The following TBC1D22A variants were observed in gnomAD, a reference collection of about 807,000 sequenced individuals.
The protein encoded by TBC1D22A is TBC1 domain family member 22A, also known as putative GTPase activator.
A neutral mutation model predicts 60.2 loss-of-function variants in TBC1D22A; 38 were observed. That is an observed-to-expected ratio of 0.63 (90% CI 0.49 to 0.83). TBC1D22A has a LOEUF of 0.83. TBC1D22A is among the 40% of genes least tolerant of loss of function. The probability of loss-of-function intolerance (pLI) is 0.00; values close to 1 mark genes in which losing one functional copy is unlikely to be tolerated. For missense variants in TBC1D22A, 628 were observed against 701.0 expected (o/e 0.90, Z 1.18); for synonymous variants, 302 against 281.7 (o/e 1.07, Z -0.72).
chr22:46,778,620 C>A (rs1358088505), intron 1 of TBC1D22A, among the ~76,000 whole-genome samples: 1 of 152,186 alleles, frequency 6.6e-6, no homozygotes, highest in Non-Finnish European at 1.5e-5. Flanking sequence ...CATCATCTTC[C>A]ATGATAACAT....
chr22:46,896,096 T>C (rs2156925), intron 7 of TBC1D22A, among the ~76,000 whole-genome samples: 105,071 of 151,650 alleles, frequency 0.69, 36,819 homozygotes, highest in Middle Eastern at 0.86. Flanking sequence ...TCCTCACGTT[T>C]GTTTCTCTGG....
chr22:47,114,506 A>G (rs1232820122), intron 12 of TBC1D22A, among the ~76,000 whole-genome samples: 1 of 152,058 alleles, frequency 6.6e-6, no homozygotes. Flanking sequence ...ACTGAACCCA[A>G]TGGGAAAGGA....
chr22:47,137,552 C>T (rs1246777728), intron 12 of TBC1D22A, among the ~76,000 whole-genome samples: 1 of 152,196 alleles, frequency 6.6e-6, no homozygotes, highest in Non-Finnish European at 1.5e-5. Context: ...TACCTCTGCC[C>T]AAAGCCCCAC....
chr22:46,817,123 A>G (rs139582), intron 4 of TBC1D22A, among the ~76,000 whole-genome samples: 11,224 of 151,626 alleles, frequency 0.074, 585 homozygotes, highest in Non-Finnish European at 0.11. Flanking sequence ...GTGGCTTAAA[A>G]TTTTTTTTTC....
At chr22:47,003,984 A>G (rs532894838) in intron 10 of TBC1D22A, among the ~76,000 whole-genome samples, 36 of 141,640 alleles carry the variant, frequency 2.5e-4, no homozygotes, top group African/African-American at 5.8e-4. Context: ...CCCTACGCAC[A>G]CATGCCTGTA....
intron 4 of TBC1D22A, among the ~76,000 whole-genome samples, chr22:46,798,413 C>A (rs1372253805): frequency 2.0e-5 from 3 of 152,190 alleles, no homozygotes; most frequent in African/African-American, 7.2e-5. Flanking sequence ...AGGGGTGAGG[C>A]TGGGGCAGAG....
intron 12 of TBC1D22A, among the ~76,000 whole-genome samples, chr22:47,124,130 CTT>C (rs901809951): frequency 6.6e-6 from 1 of 152,110 alleles, no homozygotes; most frequent in Non-Finnish European, 1.5e-5. Flanking sequence ...GAAGGGGACT[CTT>C]GGGTCAGCGG....
rs553447647 is a variant in TBC1D22A, at chr22:46,974,357, C to G, written c.1083C>G (p.Ala361=). 100 of 1,611,364 alleles carry G rather than the reference C, an allele frequency of 6.2e-5. 2 individuals are homozygous for G. In the South Asian group the frequency reaches 1.1e-3, roughly 17 times the overall value. The change falls in exon 9 of 13, where the codon GCC becomes GCG. Residue 361 remains alanine, a synonymous_variant. Transcript: ENST00000337137. The part of the protein sequence containing the change: ...VPAEVLCNIE[A]DTYWCMSKLL... The stretch of plus-strand genomic sequence containing the variant: ...CAGAGGTGCTGTGCAACATCGAGGC[C>G]GACACCTACTGGTGCATGAGCAAGC...
intron 11 of TBC1D22A, among the ~76,000 whole-genome samples, chr22:47,058,012 G>A (rs1346614557): frequency 3.9e-5 from 6 of 152,192 alleles, no homozygotes; most frequent in Non-Finnish European, 7.4e-5. Context: ...TGGCACCAGC[G>A]CAGGGCCTCG....
At chr22:47,059,881 A>C (rs1293943925) in intron 11 of TBC1D22A, among the ~76,000 whole-genome samples, 8 of 152,302 alleles carry the variant, frequency 5.3e-5, no homozygotes, top group Middle Eastern at 3.4e-3. Flanking sequence ...CAGTTATGCA[A>C]ACGAGTGCTG....
At chr22:46,913,208 A>G in intron 8 of TBC1D22A, 1 of 565,894 alleles carries the variant, frequency 1.8e-6, no homozygotes, top group South Asian at 1.9e-5. Context: ...GTCTATGGAT[A>G]AAACATAAAT....
chr22:46,881,745 C>G (rs1281458840), intron 5 of TBC1D22A, among the ~76,000 whole-genome samples: 1 of 152,166 alleles, frequency 6.6e-6, no homozygotes, highest in Non-Finnish European at 1.5e-5. Flanking sequence ...TAAGAGGACT[C>G]TGGCAGCTAG....
At chr22:46,802,719 G>C (rs925333062) in intron 4 of TBC1D22A, among the ~76,000 whole-genome samples, 4 of 152,192 alleles carry the variant, frequency 2.6e-5, no homozygotes, top group African/African-American at 7.2e-5. Flanking sequence ...GCCGATGACT[G>C]CTTCTGAGCA....
intron 5 of TBC1D22A, among the ~76,000 whole-genome samples, chr22:46,882,509 G>A (rs1043093532): frequency 2.6e-5 from 4 of 152,092 alleles, no homozygotes; most frequent in African/African-American, 4.8e-5. Context: ...AAAGTTATGC[G>A]CTATGCCCGC....
Position 47,173,536 on chromosome 22 carries a change from C to A in TBC1D22A, c.1464C>A (p.His488Gln). 1 of 1,614,196 alleles carries A rather than the reference C, an allele frequency of 6.2e-7. No homozygotes were observed. Among genetic ancestry groups the A allele is most frequent in the Non-Finnish European group, 8.5e-7 (1 of 1,180,032 alleles). Residue 488 changes from histidine (H) to glutamine (Q), a missense_variant, in exon 13 of 13, where the codon CAC becomes CAA. Transcript: ENST00000337137. The part of the protein sequence containing the change: ...LLFLQNLPTA[H>Q]WDDEDISLLL... ...TCCTCCAGAACCTGCCCACAGCCCACTGGGATGATGAGGACATCAGCCTGT... is the reference window on the plus strand; with the variant it reads ...TCCTCCAGAACCTGCCCACAGCCCAATGGGATGATGAGGACATCAGCCTGT...
chr22:46,958,326 T>G (rs1219077957), intron 8 of TBC1D22A, among the ~76,000 whole-genome samples: 2 of 152,198 alleles, frequency 1.3e-5, no homozygotes, highest in Non-Finnish European at 2.9e-5. Flanking sequence ...TGTGCAAACC[T>G]TGTGACCCCC....
chr22:46,897,138 A>G (rs2068719890), intron 7 of TBC1D22A, among the ~76,000 whole-genome samples: 1 of 152,196 alleles, frequency 6.6e-6, no homozygotes, highest in Admixed American at 6.5e-5. Context: ...GAATTGGACA[A>G]AATGCACAAA....
chr22:46,791,496 A>G (rs1275602362), intron 1 of TBC1D22A, among the ~76,000 whole-genome samples: 2 of 151,316 alleles, frequency 1.3e-5, no homozygotes, highest in African/African-American at 4.9e-5. Context: ...AAAAAGGGAA[A>G]GAAGCTGGGG....
intron 1 of TBC1D22A, among the ~76,000 whole-genome samples, chr22:46,786,313 C>T (rs2084158299): frequency 6.6e-6 from 1 of 152,072 alleles, no homozygotes; most frequent in Non-Finnish European, 1.5e-5. Flanking sequence ...GTGTATTGCA[C>T]TAATTGATTT....
Sources: gnomAD v4.1 joint callset for allele counts (sites outside exome capture counted in the v4.1 genomes callset) on GRCh38, gnomAD v4.1.1 for gene constraint, MANE v1.5 for transcripts, NCBI Gene and HGNC (gene_info 2026-07-23, HGNC 2026-07-21) for gene names.